The following NLRP1 variants were observed in gnomAD, a reference collection of about 807,000 sequenced individuals.
The protein encoded by NLRP1 is NLR family pyrin domain containing 1.
NLRP1 carries 94 observed loss-of-function variants against 136.7 expected under a neutral mutation model. The ratio of observed to expected loss-of-function variants is 0.69; its 90% CI spans 0.58 to 0.82. NLRP1 has a LOEUF of 0.82. Among genes scored for constraint, NLRP1 ranks in the 40% least tolerant of loss-of-function variants. The pLI is 0.00. For missense variants in NLRP1, 1,575 were observed against 1,802.7 expected (o/e 0.87, Z 2.29); for synonymous variants, 690 against 725.1 (o/e 0.95, Z 0.78).
Position 5,537,087 on chromosome 17 carries a change from C to T in NLRP1, c.2871-147G>A, listed in dbSNP as rs546792113. 26 of 622,524 alleles carry T rather than the reference C, an allele frequency of 4.2e-5. No individual in the cohort carries two copies. The Admixed American group carries it at 4.4e-4, about 10-fold the overall frequency. 38.6% of individuals were successfully genotyped at this position (622,524 alleles called of 1,614,324 possible). A position where few individuals can be genotyped will look rare whatever the true frequency, so the allele number is the denominator to read the frequency against. On this transcript the variant is annotated intron_variant, in intron 7 of 16. Transcript: ENST00000572272. This position sits in a 1 kb window ranked among gnomAD's most constrained non-coding sequence, Gnocchi z 4.5. ...AAGCCAGGCTCTGAGGAGGAGGGTACAGTGAGGAGATTCATTAGGGTGTGT... is the reference window on the plus strand; with the variant it reads ...AAGCCAGGCTCTGAGGAGGAGGGTATAGTGAGGAGATTCATTAGGGTGTGT...
intron 15 of NLRP1, chr17:5,502,291 CTTT>C (rs35078343): frequency 3.5e-3 from 538 of 154,508 alleles, no homozygotes; most frequent in South Asian, 0.013. Context: ...GGTGCAGTTC[CTTT>C]TTTTTTTTTT....
chr17:5,574,409 C>T (rs940197911), intron 3 of NLRP1, among the ~76,000 whole-genome samples: 7 of 152,078 alleles, frequency 4.6e-5, no homozygotes, highest in African/African-American at 1.7e-4. Context: ...GAGAACTTCC[C>T]CAACCTAGCA....
chr17:5,557,512 G>C (rs1462213449), intron 4 of NLRP1, among the ~76,000 whole-genome samples: 1 of 152,190 alleles, frequency 6.6e-6, no homozygotes, highest in Non-Finnish European at 1.5e-5. Context: ...GTCATTAAAT[G>C]AATGTTTGTC....
rs749521716 is a variant in NLRP1, at chr17:5,517,807, G to C, written c.3996C>G (p.Ile1332Met). 2.5e-6 allele frequency: 4 copies of C among 1,614,162 alleles called. No individual in the cohort carries two copies. The highest frequency in any genetic ancestry group is 3.4e-6 in the Non-Finnish European group (4 of 1,180,024). Residue 1332 changes from isoleucine (I) to methionine (M), a missense_variant, in exon 15 of 17, where the codon ATC (isoleucine) becomes ATG (methionine). Transcript: ENST00000572272. ...CTTTCTTGTCTTTCACTTGCAGCCTGATCCCTGATCCCAAGTGGCCAACGT... is the reference window on the plus strand; with the variant it reads ...CTTTCTTGTCTTTCACTTGCAGCCTCATCCCTGATCCCAAGTGGCCAACGT... ...EFYVGHLGSG[I>M]RLQVKDKKDE...
At chr17:5,522,090 G>T (rs1355406575) in intron 12 of NLRP1, among the ~76,000 whole-genome samples, 1 of 152,258 alleles carries the variant, frequency 6.6e-6, no homozygotes, top group Non-Finnish European at 1.5e-5. Flanking sequence ...CTCCCAAAGT[G>T]CTGGGATTAC....
intron 8 of NLRP1, among the ~76,000 whole-genome samples, chr17:5,534,402 G>A (rs1910753066): frequency 6.6e-6 from 1 of 152,150 alleles, no homozygotes; most frequent in African/African-American, 2.4e-5. Context: ...AACTCCATCC[G>A]AATTTGAACT....
intron 13 of NLRP1, 67 bp from the exon 14 acceptor site, chr17:5,521,079 G>A: frequency 2.7e-6 from 4 of 1,463,932 alleles, no homozygotes; most frequent in South Asian, 1.4e-5. Context: ...TGAATAGGGG[G>A]GATGGTGCAT....
exon 16 of NLRP1, chr17:5,501,722 AT>A (rs1365515650): frequency 9.8e-7 from 1 of 1,021,526 alleles, no homozygotes; most frequent in East Asian, 2.4e-5. Flanking sequence ...ACCTAAGCCC[AT>A]TTCTCAGACC....
At chr17:5,538,290 A>T (rs1911364147) in intron 7 of NLRP1, among the ~76,000 whole-genome samples, 1 of 152,110 alleles carries the variant, frequency 6.6e-6, no homozygotes, top group Non-Finnish European at 1.5e-5. Context: ...GGGAAGGGCA[A>T]GAATCTCTGG....
At position 5,533,555 on chromosome 17, in the gene NLRP1, T is replaced by G. The variant is rs1053326122; in HGVS notation, c.3053-171A>C. Reference sequence around the variant, plus strand: ...TGAACACTAGAGTGAGACTCTGTTTTTTTTTTTTTTTTTTTTTTTTTAGAT... The same window carrying G: ...TGAACACTAGAGTGAGACTCTGTTTGTTTTTTTTTTTTTTTTTTTTTAGAT... On this transcript the variant is annotated intron_variant, in intron 9 of 16. Transcript: ENST00000572272. Among the ~76,000 whole-genome samples, 281 of 144,406 alleles carry G rather than the reference T, an allele frequency of 1.9e-3. 1 individual carries two copies. The highest frequency in any genetic ancestry group is 8.5e-3 in the South Asian group (39 of 4,600). 94.7% of individuals were successfully genotyped at this position (144,406 alleles called of 152,430 possible). A position where few individuals can be genotyped will look rare whatever the true frequency, so the allele number is the denominator to read the frequency against.
Position 5,581,734 on chromosome 17 carries a change from A to C in NLRP1, c.652+125T>G. The C allele has an allele frequency of 1.4e-5, 12 of 834,032 alleles. No individual in the cohort carries two copies. The South Asian group carries it at 1.6e-4, about 11-fold the overall frequency. 51.7% of individuals were successfully genotyped at this position (834,032 alleles called of 1,614,324 possible). ...GAGGCTCCAAGGGTGGGATTTCCTG[A>C]GGGAAATTTCAGATGTTTTCCAGAA... On this transcript the variant is annotated intron_variant, in intron 3 of 16. Coordinates refer to ENST00000572272, the MANE Select transcript of NLRP1 (RefSeq NM_033004.4).
intron 3 of NLRP1, among the ~76,000 whole-genome samples, chr17:5,569,243 CATG>C (rs759984208): frequency 6.6e-6 from 1 of 152,152 alleles, no homozygotes; most frequent in Non-Finnish European, 1.5e-5. Flanking sequence ...CAGCTAACAA[CATG>C]ATGACAGGAT....
At chr17:5,511,919 C>A (rs1166720885), downstream of NLRP1, 8 of 251,578 alleles carry the variant, frequency 3.2e-5, no homozygotes, top group Non-Finnish European at 4.5e-5. Flanking sequence ...TGACCACACC[C>A]AGATCATACT....
chr17:5,529,944 A>C (rs1389121746), intron 12 of NLRP1: 1 of 454,428 alleles, frequency 2.2e-6, no homozygotes, highest in Admixed American at 2.4e-5. Context: ...CTCTGTGGGA[A>C]GTCTTTGGAG....
chr17:5,541,783 T>C lies in NLRP1; in HGVS notation c.2699+74A>G, dbSNP rs1911896927. On this transcript the variant is annotated intron_variant, in intron 6 of 16. Transcript: ENST00000572272. This position sits in a 1 kb window ranked among gnomAD's most constrained non-coding sequence, Gnocchi z 4.2. ...CACAAAGCAGGTCTCACCTTCTCTC[T>C]GCTCTTACCCTCTGCCTGCCTCATG... 3.3e-6 allele frequency: 5 copies of C among 1,493,768 alleles called. No individual in the cohort carries two copies. In the African/African-American group the frequency reaches 6.9e-5, roughly 21 times the overall value. The allele number at this position is 1,493,768 out of a possible 1,614,324, so 92.5% of individuals were successfully genotyped here. A position where few individuals can be genotyped will look rare whatever the true frequency, so the allele number is the denominator to read the frequency against.
At chr17:5,555,380 C>T (rs12952585) in intron 4 of NLRP1, among the ~76,000 whole-genome samples, 10,014 of 152,100 alleles carry the variant, frequency 0.066, 421 homozygotes, top group African/African-American at 0.11. Context: ...CCTTATTCTT[C>T]TCTCTGCCTT....
intron 4 of NLRP1, among the ~76,000 whole-genome samples, chr17:5,557,904 A>G (rs2151800879): frequency 6.6e-6 from 1 of 152,336 alleles, no homozygotes; most frequent in African/African-American, 2.4e-5. Context: ...TGTCGTTGTC[A>G]TGGAAAGGGT....
chr17:5,529,405 T>A (rs573208264), intron 12 of NLRP1, among the ~76,000 whole-genome samples: 1 of 151,546 alleles, frequency 6.6e-6, no homozygotes, highest in African/African-American at 2.4e-5. Context: ...TCTCGCTCTG[T>A]GGCCCAGGCT....
chr17:5,508,508 A>G (rs1290839225), intron 15 of NLRP1, among the ~76,000 whole-genome samples: 2 of 152,202 alleles, frequency 1.3e-5, no homozygotes, highest in African/African-American at 4.8e-5. Flanking sequence ...CTTTGATACT[A>G]TCCCTTAGTA....
Sources: gnomAD v4.1 joint callset for allele counts (sites outside exome capture counted in the v4.1 genomes callset) on GRCh38, gnomAD v4.1.1 for gene constraint, Gnocchi (gnomAD v3.1) non-coding constraint, MANE v1.5 for transcripts, NCBI Gene and HGNC (gene_info 2026-07-23, HGNC 2026-07-21) for gene names.